DLG4: variants seen among roughly 807,000 people sequenced by gnomAD.
DLG4 encodes the protein discs large MAGUK scaffold protein 4.
In DLG4, 7 loss-of-function variants were observed where a neutral mutation model predicts 93.8. The ratio of observed to expected loss-of-function variants is 0.07; its 90% CI spans 0.04 to 0.14. The LOEUF (loss-of-function observed/expected upper bound fraction) is 0.14, where lower values mean the gene tolerates loss of function less well. DLG4 is among the 10% of genes least tolerant of loss of function. The pLI is 1.00. For synonymous variants in DLG4, 341 were observed against 387.6 expected (o/e 0.88, Z 1.41); for missense variants, 545 against 992.9 (o/e 0.55, Z 6.06).
chr17:7,211,653 C>G, intron 1 of DLG4: 1 of 982,164 alleles, frequency 1.0e-6, no homozygotes, highest in Non-Finnish European at 1.2e-6. Context: ...TACCGCGGCA[C>G]GTACCACGCA....
At position 7,192,290 on chromosome 17, in the gene DLG4, T is replaced by C. The variant is rs566724823; in HGVS notation, c.1867-288A>G. 2.4e-4 allele frequency: 92 copies of C among 384,698 alleles called. 1 individual carries two copies. In the South Asian group the frequency reaches 3.5e-3, roughly 14 times the overall value. 23.8% of individuals were successfully genotyped at this position (384,698 alleles called of 1,614,324 possible). On this transcript the variant is annotated intron_variant, in intron 17 of 19. Coordinates refer to ENST00000399506, the MANE Select transcript of DLG4 (RefSeq NM_001321075.3). ...AGGCAGGCAGGGACCCAAGAGATGG[T>C]GGCAGAGCCGGGGCAGCAGCGAGTG... is the stretch of plus-strand genomic sequence containing the variant.
chr17:7,210,806 G>A (rs1369374550), intron 1 of DLG4, among the ~76,000 whole-genome samples: 1 of 152,126 alleles, frequency 6.6e-6, no homozygotes, highest in African/African-American at 2.4e-5. Context: ...CTGAATCTGA[G>A]GAGGAAATGT....
intron 1 of DLG4, among the ~76,000 whole-genome samples, chr17:7,210,653 C>A (rs1285832373): frequency 6.6e-6 from 1 of 152,138 alleles, no homozygotes; most frequent in Non-Finnish European, 1.5e-5. Flanking sequence ...GGGTGGAAGC[C>A]GCTCTCCGCT....
At chr17:7,211,264 T>TC (rs1455500941) in intron 1 of DLG4, among the ~76,000 whole-genome samples, 1 of 151,754 alleles carries the variant, frequency 6.6e-6, no homozygotes, top group Admixed American at 6.6e-5. Context: ...CCATCCTTTA[T>TC]CCTACTGGGA....
Position 7,190,619 on chromosome 17 carries a change from G to T in DLG4, c.*89C>A. 1 of 1,010,236 alleles carries T rather than the reference G, an allele frequency of 9.9e-7. No homozygotes were observed. The highest frequency in any genetic ancestry group is 1.6e-6 in the Non-Finnish European group (1 of 639,530). 62.6% of individuals were successfully genotyped at this position (1,010,236 alleles called of 1,614,324 possible). The stretch of plus-strand genomic sequence containing the variant: ...AATAAGAAGGGGTGGGAGGGAGGCC[G>T]GGGGGAGCCAAGGGCTTGGGCAATT... On this transcript the variant is annotated 3_prime_UTR_variant, in exon 20 of 20. Transcript: ENST00000399506.
upstream of DLG4, chr17:7,218,296 G>A (rs749573995): frequency 6.2e-7 from 1 of 1,606,168 alleles, no homozygotes; most frequent in East Asian, 2.2e-5. Context: ...CACAGGAACA[G>A]AACTGAGTTA....
In DLG4 at chr17:7,203,553, G is replaced by A. The variant is rs1453612541; in HGVS notation, c.376C>T (p.Arg126Cys). The A allele has an allele frequency of 6.2e-7, 1 of 1,613,200 alleles. No homozygotes were observed. The highest frequency in any genetic ancestry group is 8.5e-7 in the Non-Finnish European group (1 of 1,179,344). ...SILFVNEVDV[R>C]EVTHSAAVEA... ...ACCGCCGCTGAGTGGGTCACCTCGC[G>A]CACGTCCACTTCATTTACAAACAGG... The change falls in exon 6 of 20, where the codon CGC becomes TGC. Residue 126 changes from arginine (R) to cysteine (C), a missense_variant. Arg to Cys is a radical substitution (Grantham distance 180). Coordinates refer to ENST00000399506, the MANE Select transcript of DLG4 (RefSeq NM_001321075.3). The surrounding 1 kb of genome is among the most constrained non-coding windows in gnomAD (Gnocchi z 7.2).
chr17:7,199,184 CCTCCA>C (rs1419898225), intron 8 of DLG4, among the ~76,000 whole-genome samples: 1 of 152,012 alleles, frequency 6.6e-6, no homozygotes, highest in Non-Finnish European at 1.5e-5. Flanking sequence ...TGCCTAGCAT[CCTCCA>C]ATTTTTTTTT....
chr17:7,199,044 CA>C (rs947248331), intron 8 of DLG4, among the ~76,000 whole-genome samples: 50 of 151,692 alleles, frequency 3.3e-4, no homozygotes, highest in Admixed American at 3.3e-4. Flanking sequence ...AAAACAAAAA[CA>C]AAAAAACAGC....
chr17:7,188,079 A>T lies in DLG4; in HGVS notation c.*2629T>A, dbSNP rs2142788433. 6.6e-6 allele frequency among the ~76,000 whole-genome samples: 1 copy of T among 152,080 alleles called. No individual in the cohort carries two copies. The highest frequency in any genetic ancestry group is 2.1e-4 in the South Asian group (1 of 4,816). Reference sequence around the variant, plus strand: ...AAGTGAAACTCGACCTCAAAAAAAAAAAAAAAAAAATCCTCTGAAGCAGTG... The same window carrying T: ...AAGTGAAACTCGACCTCAAAAAAAATAAAAAAAAAATCCTCTGAAGCAGTG... On this transcript the variant is annotated 3_prime_UTR_variant, in exon 20 of 20. Transcript: ENST00000399506.
At chr17:7,219,921 T>TGGGCGTGCATGACGC (rs2071101166), upstream of DLG4, 2 of 1,555,336 alleles carry the variant, frequency 1.3e-6, no homozygotes, top group Non-Finnish European at 1.7e-6. Context: ...CGCCAGGACG[T>TGGGCGTGCATGACGC]GGGCGTGCAG....
At chr17:7,218,452 G>A, upstream of DLG4, 2 of 1,436,646 alleles carry the variant, frequency 1.4e-6, no homozygotes, top group East Asian at 5.0e-5. Context: ...CTCCAGCTTG[G>A]ACCAAATGAT....
upstream of DLG4, chr17:7,218,545 C>T: frequency 1.3e-6 from 2 of 1,559,396 alleles, no homozygotes; most frequent in Non-Finnish European, 1.7e-6. Flanking sequence ...ACTCACCCAG[C>T]AAGGCCTGGA....
chr17:7,205,225 TCTA>T (rs1299511658), intron 2 of DLG4: 9 of 940,806 alleles, frequency 9.6e-6, no homozygotes, highest in Non-Finnish European at 1.1e-5. Context: ...ATCCCGCTCA[TCTA>T]CTCCCTCCCC....
At chr17:7,215,731 G>A (rs1597501078) in intron 1 of DLG4, among the ~76,000 whole-genome samples, 2 of 152,208 alleles carry the variant, frequency 1.3e-5, no homozygotes, top group Admixed American at 6.5e-5. Flanking sequence ...ATCCTCACAC[G>A]TGCACAATGC....
rs566000731 is a variant in DLG4, at chr17:7,189,225, C to T, written c.*1483G>A. Among the ~76,000 whole-genome samples the T allele has an allele frequency of 6.6e-6, 1 of 151,866 alleles. No individual in the cohort carries two copies. The highest frequency in any genetic ancestry group is 1.5e-5 in the Non-Finnish European group (1 of 67,942). ...ATCATTTCCAGGCCAGGCGCGGTGG[C>T]TCACGCCTGTAATCCCAGCACTTTG... On this transcript the variant is annotated 3_prime_UTR_variant, in exon 20 of 20. Transcript: ENST00000399506.
Position 7,205,060 on chromosome 17 carries a change from C to T in DLG4, c.97-808G>A, listed in dbSNP as rs540303336. On this transcript the variant is annotated intron_variant, in intron 2 of 19. Coordinates refer to ENST00000399506, the MANE Select transcript of DLG4 (RefSeq NM_001321075.3). The stretch of plus-strand genomic sequence containing the variant: ...CCCGCCTCTCCTGCCCTGGGCCCCG[C>T]CCCACGTTAGCCAGGCCGAGAGGAG... The T allele has an allele frequency of 1.4e-5, 14 of 985,536 alleles. No individual in the cohort carries two copies. In the Admixed American group the frequency reaches 4.9e-4, roughly 35 times the overall value. 61.0% of individuals were successfully genotyped at this position (985,536 alleles called of 1,614,324 possible).
Position 7,217,367 on chromosome 17 carries a change from T to G in DLG4, c.-220A>C, listed in dbSNP as rs954286284. Reference sequence around the variant, plus strand: ...GGGGGCCCTAAAAGGGGCTCCCCAGTGGAGGGGAGGGGGCTTGGGGAGCAC... The same window carrying G: ...GGGGGCCCTAAAAGGGGCTCCCCAGGGGAGGGGAGGGGGCTTGGGGAGCAC... On this transcript the variant is annotated 5_prime_UTR_variant, in exon 1 of 20. Coordinates refer to ENST00000399506, the MANE Select transcript of DLG4 (RefSeq NM_001321075.3). 8.1e-5 allele frequency: 10 copies of G among 124,088 alleles called. No homozygotes were observed. The highest frequency in any genetic ancestry group is 2.9e-4 in the Admixed American group (1 of 3,440). The allele number at this position is 124,088 out of a possible 1,614,324, so 7.7% of individuals were successfully genotyped here.
rs1477700529 is a variant in DLG4 at position 7,192,005 on chromosome 17, G to A, written c.1867-3C>T. The A allele has an allele frequency of 7.0e-7, 1 of 1,428,916 alleles. No homozygotes were observed. Among genetic ancestry groups the A allele is most frequent in the African/African-American group, 1.5e-5 (1 of 68,078 alleles). 88.5% of individuals were successfully genotyped at this position (1,428,916 alleles called of 1,614,324 possible). On this transcript the variant is annotated splice_polypyrimidine_tract_variant and splice_region_variant and intron_variant, in intron 17 of 19. Transcript: ENST00000399506. ...ACATCGAGGATGCAGTGCTTCCCCT[G>A]GGGGCAGGCAGGGTGGGCGGAGGGG...
Sources: allele counts gnomAD v4.1 joint callset (sites outside exome capture counted in the v4.1 genomes callset), GRCh38; gene constraint gnomAD v4.1.1; non-coding constraint Gnocchi (gnomAD v3.1); transcripts MANE v1.5; gene names NCBI Gene and HGNC (gene_info 2026-07-23, HGNC 2026-07-21).